The following NFAM1 variants were observed in gnomAD, a reference collection of about 807,000 sequenced individuals.
NFAM1 encodes the protein NFAT activation molecule 1.
In NFAM1, 17 loss-of-function variants were observed where a neutral mutation model predicts 29.0. The observed-to-expected ratio is 0.59, with a 90% confidence interval of 0.40 to 0.88. NFAM1 has a LOEUF of 0.88. NFAM1 is among the 40% of genes least tolerant of loss of function. The pLI, the probability that NFAM1 is intolerant of heterozygous loss-of-function variation, is 0.00. For missense variants in NFAM1, 324 were observed against 344.6 expected (o/e 0.94, Z 0.47); for synonymous variants, 175 against 147.2 (o/e 1.19, Z -1.36).
intron 1 of NFAM1, among the ~76,000 whole-genome samples, chr22:42,427,971 G>A (rs1009878241): frequency 6.6e-6 from 1 of 152,242 alleles, no homozygotes; most frequent in Middle Eastern, 3.2e-3. Context: ...TTGACCTGGT[G>A]AGAGTCACAC....
chr22:42,403,968 G>T (rs1929809885), intron 3 of NFAM1, among the ~76,000 whole-genome samples: 1 of 152,164 alleles, frequency 6.6e-6, no homozygotes, highest in African/African-American at 2.4e-5. Flanking sequence ...AACAAGGAGG[G>T]CCTGGGAAGC....
chr22:42,392,913 T>C (rs34273880), intron 4 of NFAM1, among the ~76,000 whole-genome samples: 26,933 of 151,642 alleles, frequency 0.18, 2,606 homozygotes, highest in African/African-American at 0.25. Flanking sequence ...GATTCTCCTG[T>C]CTCAGCCTCC....
intron 2 of NFAM1, chr22:42,410,137 T>C (rs1380069610): frequency 6.1e-6 from 1 of 163,662 alleles, no homozygotes; most frequent in Non-Finnish European, 1.3e-5. Flanking sequence ...CCAGCCCATA[T>C]GGGCACCATC....
chr22:42,386,018 A>G (rs1389202741), intron 5 of NFAM1, among the ~76,000 whole-genome samples: 1 of 152,152 alleles, frequency 6.6e-6, no homozygotes, highest in Admixed American at 6.5e-5. Flanking sequence ...TTGAATTCAG[A>G]GGCAGTTGGT....
chr22:42,409,982 C>G lies in NFAM1; in HGVS notation c.452-435G>C, dbSNP rs941070913. ...TAGGTGAGGCCCAGCCCTCCTACCC[C>G]ATGCCATCCCCAGTCCCTCCTGCTG... On this transcript the variant is annotated intron_variant, in intron 2 of 5. Transcript: ENST00000329021. The surrounding 1 kb of genome is among the most constrained non-coding windows in gnomAD (Gnocchi z 4.9). Among the ~76,000 whole-genome samples, 1 of 152,188 alleles carries G rather than the reference C, an allele frequency of 6.6e-6. No individual in the cohort carries two copies. The highest frequency in any genetic ancestry group is 6.5e-5 in the Admixed American group (1 of 15,280).
rs36029784 is a variant in NFAM1, at chr22:42,393,575, A to ATT, written c.663+4281_663+4282dup. ...AGGCGCCCGCCACCACGCCTGACTA[A>ATT]TTTTTTTTTTTTTTGTATTTTTAGT... is the stretch of plus-strand genomic sequence containing the variant. On this transcript the variant is annotated intron_variant, in intron 4 of 5. Transcript: ENST00000329021. Among the ~76,000 whole-genome samples the ATT allele has an allele frequency of 3.2e-3, 453 of 140,202 alleles. 2 individuals carry two copies. The highest frequency in any genetic ancestry group is 4.4e-3 in the African/African-American group (169 of 38,048). 92.0% of individuals were successfully genotyped at this position (140,202 alleles called of 152,430 possible).
chr22:42,411,313 C>T (rs1353700036), intron 2 of NFAM1, 94 bp downstream of exon 2: 5 of 997,030 alleles, frequency 5.0e-6, no homozygotes, highest in Non-Finnish European at 7.6e-6. Context: ...GCCACTGCGC[C>T]TGGCCCCATT....
chr22:42,402,349 C>G (rs1255842303), intron 3 of NFAM1, among the ~76,000 whole-genome samples: 1 of 152,186 alleles, frequency 6.6e-6, no homozygotes, highest in Non-Finnish European at 1.5e-5. Flanking sequence ...CAGGCCCCCA[C>G]GTGGGGCTGT....
At chr22:42,389,111 G>C (rs1388559908) in intron 4 of NFAM1, among the ~76,000 whole-genome samples, 1 of 152,202 alleles carries the variant, frequency 6.6e-6, no homozygotes, top group African/African-American at 2.4e-5. Flanking sequence ...GAAAAGGGAG[G>C]GGAGCAGTCT....
chr22:42,408,464 G>A lies in NFAM1; in HGVS notation c.564+971C>T, dbSNP rs115250064. 8.6e-3 allele frequency among the ~76,000 whole-genome samples: 1,313 copies of A among 152,300 alleles called. 17 individuals carry two copies. Among genetic ancestry groups the A allele is most frequent in the African/African-American group, 0.03 (1,253 of 41,572 alleles). On this transcript the variant is annotated intron_variant, in intron 3 of 5. Transcript: ENST00000329021. ...CTCAGCTGCCCCCAGGCTTGGCCCC[G>A]AAGGTCCCCGGAGGGTGGAGCAGTA...
At chr22:42,421,225 T>G (rs1159997455) in intron 1 of NFAM1, among the ~76,000 whole-genome samples, 1 of 151,678 alleles carries the variant, frequency 6.6e-6, no homozygotes, top group East Asian at 1.9e-4. Context: ...GTGAGGTGGG[T>G]GGATCTCCTG....
At chr22:42,398,042 T>C (rs1929592631) in intron 3 of NFAM1, 86 bp from the exon 4 acceptor site, 3 of 687,092 alleles carry the variant, frequency 4.4e-6, no homozygotes, top group Non-Finnish European at 7.6e-6. Flanking sequence ...GGATGGCAGA[T>C]TGTCATGAGG....
rs557357859 is a variant in NFAM1, at chr22:42,396,590, C to T, written c.663+1268G>A. On this transcript the variant is annotated intron_variant, in intron 4 of 5. Transcript: ENST00000329021. ...TTCATCTAACAGTTGACACCAGAAT[C>T]CCTGGTAGGGAAAATACCACTATGA... is the stretch of plus-strand genomic sequence containing the variant. 2.0e-5 allele frequency among the ~76,000 whole-genome samples: 3 copies of T among 152,084 alleles called. No individual in the cohort carries two copies. The South Asian group carries it at 6.2e-4, about 32-fold the overall frequency.
intron 1 of NFAM1, among the ~76,000 whole-genome samples, chr22:42,417,981 T>A (rs1930316571): frequency 6.6e-6 from 1 of 152,180 alleles, no homozygotes. Flanking sequence ...GCGCCGTGGA[T>A]CCCTGCTTAG....
Position 42,385,158 on chromosome 22 carries a change from A to G in NFAM1, c.*3T>C, listed in dbSNP as rs778661264. The G allele has an allele frequency of 1.9e-6, 3 of 1,611,012 alleles. No homozygotes were observed. In the Admixed American group the frequency reaches 5.0e-5, roughly 27 times the overall value. ...GCAAGCTCTATGAGCGGTGGAGCCC[A>G]TCCTAGAGATTTTCATAGACCAGGT... On this transcript the variant is annotated 3_prime_UTR_variant, in exon 6 of 6. Coordinates refer to ENST00000329021, the MANE Select transcript of NFAM1 (RefSeq NM_145912.8).
chr22:42,423,655 G>A (rs999265972), intron 1 of NFAM1, among the ~76,000 whole-genome samples: 2 of 151,948 alleles, frequency 1.3e-5, no homozygotes, highest in Non-Finnish European at 2.9e-5. Context: ...GGAGTTTGAG[G>A]CTGCAGTGAG....
In NFAM1 at chr22:42,384,978, G is replaced by C; in HGVS notation, c.*183C>G. The C allele has an allele frequency of 3.0e-6, 2 of 674,804 alleles. No individual in the cohort carries two copies. The highest frequency in any genetic ancestry group is 4.4e-5 in the Admixed American group (2 of 45,504). The allele number at this position is 674,804 out of a possible 1,614,324, so 41.8% of individuals were successfully genotyped here. A position where few individuals can be genotyped will look rare whatever the true frequency, so the allele number is the denominator to read the frequency against. Reference sequence around the variant, plus strand: ...AAGGCCCCAAGATGGGAAAGCCTTGGTGGTTGGGGCATAGAATGGGGGGGC... The same window carrying C: ...AAGGCCCCAAGATGGGAAAGCCTTGCTGGTTGGGGCATAGAATGGGGGGGC... On this transcript the variant is annotated 3_prime_UTR_variant, in exon 6 of 6. Coordinates refer to ENST00000329021, the MANE Select transcript of NFAM1 (RefSeq NM_145912.8).
chr22:42,391,113 T>C (rs1601734979), intron 4 of NFAM1, among the ~76,000 whole-genome samples: 1 of 152,322 alleles, frequency 6.6e-6, no homozygotes, highest in Admixed American at 6.5e-5. Context: ...CTAGGCAGTG[T>C]GACGGTTTAG....
chr22:42,411,019 C>CTTTTTTTTTTTTTTTT (rs138369373), intron 2 of NFAM1, among the ~76,000 whole-genome samples: 10 of 121,762 alleles, frequency 8.2e-5, no homozygotes, highest in East Asian at 2.5e-4. Context: ...CTTTTCTTTT[C>CTTTTTTTTTTTTTTTT]TTTTTTTTTT....
Sources: gnomAD v4.1 joint callset for allele counts (sites outside exome capture counted in the v4.1 genomes callset) on GRCh38, gnomAD v4.1.1 for gene constraint, Gnocchi (gnomAD v3.1) non-coding constraint, MANE v1.5 for transcripts, NCBI Gene and HGNC (gene_info 2026-07-23, HGNC 2026-07-21) for gene names.